Variants in NEGR1 observed in about 807,000 individuals in gnomAD.
NEGR1 encodes the protein IgLON family member 4.
Under a neutral mutation model 40.9 loss-of-function variants are expected in NEGR1, and 10 were observed. The ratio of observed to expected loss-of-function variants is 0.24; its 90% CI spans 0.15 to 0.42. NEGR1 has a LOEUF of 0.42. Among genes scored for constraint, NEGR1 ranks in the 10% least tolerant of loss-of-function variants. NEGR1 has a pLI of 1.00. For missense variants in NEGR1, 352 were observed against 438.9 expected (o/e 0.80, Z 1.77); for synonymous variants, 185 against 166.8 (o/e 1.11, Z -0.84).
chr1:71,672,444 A>G (rs770817323), intron 4 of NEGR1, among the ~76,000 whole-genome samples: 2 of 152,222 alleles, frequency 1.3e-5, no homozygotes, highest in Non-Finnish European at 2.9e-5. Flanking sequence ...GGCAGAGACC[A>G]AGTCAATCTT....
At chr1:71,640,541 G>A (rs1384748505) in intron 4 of NEGR1, among the ~76,000 whole-genome samples, 1 of 152,012 alleles carries the variant, frequency 6.6e-6, no homozygotes, top group Non-Finnish European at 1.5e-5. Flanking sequence ...GTTGGTAAGT[G>A]TTAAGTCTTT....
chr1:71,908,262 T>C (rs1250522614), intron 2 of NEGR1, among the ~76,000 whole-genome samples: 1 of 151,358 alleles, frequency 6.6e-6, no homozygotes, highest in Non-Finnish European at 1.5e-5. Context: ...CAAAGAGGAA[T>C]GTTCTATACA....
At chr1:71,907,596 T>C (rs1003080527) in intron 2 of NEGR1, among the ~76,000 whole-genome samples, 1 of 152,118 alleles carries the variant, frequency 6.6e-6, no homozygotes, top group African/African-American at 2.4e-5. Context: ...GGAAAGCACT[T>C]TGGAAATTTC....
chr1:72,188,486 C>G (rs1006509947), intron 1 of NEGR1, among the ~76,000 whole-genome samples: 1 of 151,448 alleles, frequency 6.6e-6, no homozygotes, highest in Non-Finnish European at 1.5e-5. Flanking sequence ...AGAGCCTATA[C>G]TTTTAAAAAT....
At chr1:72,178,890 T>A (rs1652266082) in intron 1 of NEGR1, among the ~76,000 whole-genome samples, 1 of 151,888 alleles carries the variant, frequency 6.6e-6, no homozygotes, top group Admixed American at 6.6e-5. Context: ...CTCATTTTTT[T>A]AATGGGGTTG....
chr1:71,495,924 A>G (rs1270624371), intron 6 of NEGR1, among the ~76,000 whole-genome samples: 2 of 152,148 alleles, frequency 1.3e-5, no homozygotes, highest in Non-Finnish European at 1.5e-5. Flanking sequence ...CCAGGGATGA[A>G]TAGTTGATGA....
chr1:71,398,627 TTAGAC>T lies in NEGR1; in HGVS notation c.*8814_*8818del, dbSNP rs1646226988. The T allele has an allele frequency of 6.6e-6, 1 of 152,228 alleles. No homozygotes were observed. The highest frequency in any genetic ancestry group is 1.5e-5 in the Non-Finnish European group (1 of 68,064). The allele number at this position is 152,228 out of a possible 1,614,324, so 9.4% of individuals were successfully genotyped here. ...GACTTGCCTTGTCTCAGATGAGACT[TTAGAC>T]TGTGGACTTTTGAGATAGTGCTGAA... On this transcript the variant is annotated 3_prime_UTR_variant, in exon 7 of 7. Coordinates refer to ENST00000357731, the MANE Select transcript of NEGR1 (RefSeq NM_173808.3).
At chr1:71,865,966 T>G (rs974156512) in intron 2 of NEGR1, among the ~76,000 whole-genome samples, 2 of 152,184 alleles carry the variant, frequency 1.3e-5, no homozygotes, top group African/African-American at 2.4e-5. Flanking sequence ...AACATTATTA[T>G]AGTCCATTGT....
intron 2 of NEGR1, among the ~76,000 whole-genome samples, chr1:71,858,573 T>G (rs1345909899): frequency 6.6e-6 from 1 of 152,068 alleles, no homozygotes; most frequent in Non-Finnish European, 1.5e-5. Flanking sequence ...GGAACTTAGC[T>G]GATATTTTCC....
chr1:71,894,930 T>G (rs1052227827), intron 2 of NEGR1, among the ~76,000 whole-genome samples: 1 of 152,102 alleles, frequency 6.6e-6, no homozygotes, highest in African/African-American at 2.4e-5. Flanking sequence ...AAATTTTTTT[T>G]TTTTTAAAAG....
At chr1:71,982,222 G>T (rs1276116003) in intron 1 of NEGR1, among the ~76,000 whole-genome samples, 1 of 151,966 alleles carries the variant, frequency 6.6e-6, no homozygotes, top group Non-Finnish European at 1.5e-5. Context: ...TGTAAATATG[G>T]GCTTATCTTG....
chr1:72,090,824 C>A (rs1318356956), intron 1 of NEGR1, among the ~76,000 whole-genome samples: 1 of 152,148 alleles, frequency 6.6e-6, no homozygotes, highest in East Asian at 1.9e-4. Context: ...GTCATGTGCC[C>A]TCTAGACCTA....
chr1:71,561,100 A>T lies in NEGR1; in HGVS notation c.940+31717T>A, dbSNP rs534475663. 7.2e-5 allele frequency among the ~76,000 whole-genome samples: 11 copies of T among 151,756 alleles called. No individual in the cohort carries two copies. The South Asian group carries it at 2.3e-3, about 31-fold the overall frequency. Reference sequence around the variant, plus strand: ...TCCATAGCACATCCTAACCATGATCATGAAATCAGATATTAGAAGAGGTAA... The same window carrying T: ...TCCATAGCACATCCTAACCATGATCTTGAAATCAGATATTAGAAGAGGTAA... On this transcript the variant is annotated intron_variant, in intron 6 of 6. Transcript: ENST00000357731.
intron 4 of NEGR1, among the ~76,000 whole-genome samples, chr1:71,685,171 T>C (rs1184545730): frequency 6.6e-6 from 1 of 152,186 alleles, no homozygotes; most frequent in African/African-American, 2.4e-5. Context: ...TTTCAATTTT[T>C]ATACTTCATG....
chr1:72,231,174 A>G (rs924077724), intron 1 of NEGR1, among the ~76,000 whole-genome samples: 5 of 151,982 alleles, frequency 3.3e-5, no homozygotes, highest in African/African-American at 7.2e-5. Context: ...TTTCACATCA[A>G]CTCCTTCAGA....
chr1:71,722,568 A>G (rs1405426995), intron 3 of NEGR1, among the ~76,000 whole-genome samples: 1 of 152,114 alleles, frequency 6.6e-6, no homozygotes, highest in Non-Finnish European at 1.5e-5. Flanking sequence ...AGCAAAAAAC[A>G]ATGGGAATAA....
chr1:71,852,371 T>C (rs986236740), intron 2 of NEGR1, among the ~76,000 whole-genome samples: 1 of 152,100 alleles, frequency 6.6e-6, no homozygotes, highest in African/African-American at 2.4e-5. Flanking sequence ...CACAGTGTCT[T>C]AAAAGTTAGA....
chr1:71,816,072 T>C (rs567893168), intron 2 of NEGR1, among the ~76,000 whole-genome samples: 3 of 152,212 alleles, frequency 2.0e-5, no homozygotes, highest in Admixed American at 2.0e-4. Flanking sequence ...ATATCCCTTG[T>C]CTTACTTATT....
In NEGR1 at chr1:71,554,868, C is replaced by A. The variant is rs570192449; in HGVS notation, c.940+37949G>T. 1.4e-3 allele frequency among the ~76,000 whole-genome samples: 214 copies of A among 151,502 alleles called. 1 individual carries two copies. Among genetic ancestry groups the A allele is most frequent in the Non-Finnish European group, 2.5e-3 (168 of 67,638 alleles). Reference sequence around the variant, plus strand: ...TTAGAATGAGAACACTTAAAGGGGACGCTTTAGAGCACCAAAGTCCCAGAA... The same window carrying A: ...TTAGAATGAGAACACTTAAAGGGGAAGCTTTAGAGCACCAAAGTCCCAGAA... On this transcript the variant is annotated intron_variant, in intron 6 of 6. Coordinates refer to ENST00000357731, the MANE Select transcript of NEGR1 (RefSeq NM_173808.3).
Sources: gnomAD v4.1 joint callset for allele counts (sites outside exome capture counted in the v4.1 genomes callset) on GRCh38, gnomAD v4.1.1 for gene constraint, MANE v1.5 for transcripts, NCBI Gene and HGNC (gene_info 2026-07-23, HGNC 2026-07-21) for gene names.